SYNPR: variants seen among roughly 807,000 people sequenced by gnomAD.
SYNPR encodes the protein synaptoporin.
A neutral mutation model predicts 32.9 loss-of-function variants in SYNPR; 23 were observed. That is an observed-to-expected ratio of 0.70 (90% CI 0.50 to 0.99). The LOEUF (loss-of-function observed/expected upper bound fraction) is 0.99, where lower values mean the gene tolerates loss of function less well. Among genes scored for constraint, SYNPR ranks in the 50% least tolerant of loss-of-function variants. The pLI is 0.00. For missense variants in SYNPR, 318 were observed against 349.3 expected, an observed-to-expected ratio of 0.91 and a Z score of 0.71; for synonymous variants, 146 against 135.9, an observed-to-expected ratio of 1.07 and a Z score of -0.52.
chr3:63,322,314 ACTAGGTACTGTG>A (rs1195747029), intron 2 of SYNPR, among the ~76,000 whole-genome samples: 3 of 152,108 alleles, frequency 2.0e-5, no homozygotes, highest in African/African-American at 7.2e-5. Context: ...CCACATGTGG[ACTAGGTACTGTG>A]CTAGGCACTT....
chr3:63,435,399 G>C (rs990730798), intron 2 of SYNPR, among the ~76,000 whole-genome samples: 2 of 152,176 alleles, frequency 1.3e-5, no homozygotes, highest in Admixed American at 6.5e-5. Flanking sequence ...GAATTAGAAA[G>C]GTCCATGGTA....
intron 2 of SYNPR, among the ~76,000 whole-genome samples, chr3:63,415,235 G>A (rs766826669): frequency 3.9e-5 from 6 of 152,102 alleles, no homozygotes; most frequent in Non-Finnish European, 5.9e-5. Context: ...TCACAACACA[G>A]CATTCAACAA....
At chr3:63,466,454 G>GTTTT (rs34563762) in intron 2 of SYNPR, among the ~76,000 whole-genome samples, 4 of 145,710 alleles carry the variant, frequency 2.7e-5, no homozygotes, top group Non-Finnish European at 3.0e-5. Context: ...TTCAGGATTT[G>GTTTT]TTTTTTTTTT....
At chr3:63,504,235 GC>G (rs1191891530) in intron 3 of SYNPR, among the ~76,000 whole-genome samples, 3 of 152,110 alleles carry the variant, frequency 2.0e-5, no homozygotes, top group Non-Finnish European at 4.4e-5. Flanking sequence ...AAAATTAGGA[GC>G]CCTGGTAAGC....
In SYNPR at chr3:63,278,459, C is replaced by T; in HGVS notation, c.-75C>T. On this transcript the variant is annotated 5_prime_UTR_variant, in exon 1 of 6. Coordinates refer to ENST00000478300, the MANE Select transcript of SYNPR (RefSeq NM_001130003.2). Reference sequence around the variant, plus strand: ...GCTGCTCCCGAAGGGGCTTCTGGCCCTGAGGACGGTGGTGCCAAGCGAACT... The same window carrying T: ...GCTGCTCCCGAAGGGGCTTCTGGCCTTGAGGACGGTGGTGCCAAGCGAACT... The T allele has an allele frequency of 6.7e-7, 1 of 1,503,092 alleles. No individual in the cohort carries two copies. Among genetic ancestry groups the T allele is most frequent in the Non-Finnish European group, 8.9e-7 (1 of 1,121,772 alleles). The allele number at this position is 1,503,092 out of a possible 1,614,324, so 93.1% of individuals were successfully genotyped here. A position where few individuals can be genotyped will look rare whatever the true frequency, so the allele number is the denominator to read the frequency against.
At chr3:63,298,937 T>C (rs1053412262) in intron 2 of SYNPR, among the ~76,000 whole-genome samples, 58 of 152,156 alleles carry the variant, frequency 3.8e-4, no homozygotes, top group African/African-American at 1.3e-3. Context: ...TCAGTTGGCA[T>C]ATTGAGACCT....
chr3:63,584,723 A>G (rs927613976), intron 4 of SYNPR, among the ~76,000 whole-genome samples: 1 of 152,118 alleles, frequency 6.6e-6, no homozygotes, highest in Non-Finnish European at 1.5e-5. Flanking sequence ...GTTATTTTCA[A>G]GTTGAACTGG....
intron 2 of SYNPR, among the ~76,000 whole-genome samples, chr3:63,400,190 T>A (rs2088272301): frequency 6.6e-6 from 1 of 152,240 alleles, no homozygotes; most frequent in Non-Finnish European, 1.5e-5. Context: ...CTTTTCTACT[T>A]CTTATCTTCT....
chr3:63,487,599 C>A (rs1701180482), intron 3 of SYNPR, among the ~76,000 whole-genome samples: 1 of 152,186 alleles, frequency 6.6e-6, no homozygotes, highest in Admixed American at 6.5e-5. Flanking sequence ...TCTTCCCCAA[C>A]CCTGCCTCTG....
intron 4 of SYNPR, among the ~76,000 whole-genome samples, chr3:63,572,489 G>A (rs1161427820): frequency 6.6e-6 from 1 of 152,038 alleles, no homozygotes; most frequent in Non-Finnish European, 1.5e-5. Flanking sequence ...ATCCTCGCTT[G>A]CCCTCTCATT....
At chr3:63,551,800 C>T (rs1702505250) in intron 3 of SYNPR, among the ~76,000 whole-genome samples, 2 of 152,160 alleles carry the variant, frequency 1.3e-5, no homozygotes, top group South Asian at 4.1e-4. Flanking sequence ...TCTCTCTAAA[C>T]TTTAAGTTCA....
chr3:63,535,620 A>G (rs990692315), intron 3 of SYNPR, among the ~76,000 whole-genome samples: 1 of 152,162 alleles, frequency 6.6e-6, no homozygotes, highest in African/African-American at 2.4e-5. Flanking sequence ...GTCCATAAAT[A>G]AAACTTTACA....
chr3:63,454,505 C>G (rs868678295), intron 2 of SYNPR, among the ~76,000 whole-genome samples: 2 of 151,996 alleles, frequency 1.3e-5, no homozygotes, highest in Admixed American at 1.3e-4. Context: ...TAACAATAGC[C>G]CCATGAAACA....
chr3:63,607,569 G>A (rs546526530), intron 4 of SYNPR, among the ~76,000 whole-genome samples: 1 of 152,286 alleles, frequency 6.6e-6, no homozygotes, highest in South Asian at 2.1e-4. Context: ...AAAGAAGAAA[G>A]GGAATATAAA....
At chr3:63,375,338 T>C (rs1322457464) in intron 2 of SYNPR, among the ~76,000 whole-genome samples, 2 of 152,124 alleles carry the variant, frequency 1.3e-5, no homozygotes, top group African/African-American at 2.4e-5. Flanking sequence ...CCATCAATGA[T>C]AGACTGGATT....
chr3:63,508,419 A>T (rs185098064), intron 3 of SYNPR, among the ~76,000 whole-genome samples: 18 of 152,322 alleles, frequency 1.2e-4, no homozygotes, highest in Admixed American at 1.0e-3. Context: ...GAGTAAAAAC[A>T]GAGCTGACTC....
intron 1 of SYNPR, among the ~76,000 whole-genome samples, chr3:63,247,930 T>C (rs962314421): frequency 1.3e-5 from 2 of 152,098 alleles, no homozygotes; most frequent in Non-Finnish European, 2.9e-5. Flanking sequence ...GGAACCCAGG[T>C]GATGCCTCAT....
chr3:63,369,426 G>A (rs2087768913), intron 2 of SYNPR, among the ~76,000 whole-genome samples: 1 of 152,212 alleles, frequency 6.6e-6, no homozygotes, highest in Non-Finnish European at 1.5e-5. Flanking sequence ...GTAGATCTCA[G>A]AGAATATATG....
chr3:63,607,044 A>T (rs1170858155), intron 4 of SYNPR, among the ~76,000 whole-genome samples: 1 of 152,228 alleles, frequency 6.6e-6, no homozygotes, highest in Non-Finnish European at 1.5e-5. Flanking sequence ...TTCCAATTGA[A>T]AGGTCTTCAC....
Sources: gnomAD v4.1 joint callset for allele counts (sites outside exome capture counted in the v4.1 genomes callset) on GRCh38, gnomAD v4.1.1 for gene constraint, MANE v1.5 for transcripts, NCBI Gene and HGNC (gene_info 2026-07-23, HGNC 2026-07-21) for gene names.